The following AFF3 variants were observed in gnomAD, a reference collection of about 807,000 sequenced individuals.
AFF3 encodes AF4/FMR2 family member 3.
In AFF3, 32 loss-of-function variants were observed where a neutral mutation model predicts 129.7. That is an observed-to-expected ratio of 0.25 (90% CI 0.19 to 0.33). The LOEUF (loss-of-function observed/expected upper bound fraction) is 0.33, where lower values mean the gene tolerates loss of function less well. AFF3 is among the 10% of genes least tolerant of loss of function. The pLI is 1.00. For missense variants in AFF3, 1,373 were observed against 1,592.0 expected (o/e 0.86, Z 2.34); for synonymous variants, 644 against 635.4 (o/e 1.01, Z -0.20).
chr2:99,855,311 T>C (rs1690445060), intron 7 of AFF3, among the ~76,000 whole-genome samples: 1 of 152,186 alleles, frequency 6.6e-6, no homozygotes, highest in Admixed American at 6.5e-5. Flanking sequence ...AATGGTATGA[T>C]GTGTGAGTTA....
At chr2:99,578,887 G>A (rs1272256144) in intron 17 of AFF3, among the ~76,000 whole-genome samples, 1 of 152,218 alleles carries the variant, frequency 6.6e-6, no homozygotes, top group Admixed American at 6.5e-5. Context: ...GCCCCACCCT[G>A]AGAGTCTGGG....
intron 7 of AFF3, among the ~76,000 whole-genome samples, chr2:99,867,982 C>T (rs1184523279): frequency 1.3e-5 from 2 of 151,912 alleles, no homozygotes; most frequent in Non-Finnish European, 2.9e-5. Flanking sequence ...TCAAGCTGGG[C>T]CCCTCTCATT....
intron 7 of AFF3, among the ~76,000 whole-genome samples, chr2:99,975,352 T>A (rs1678768427): frequency 1.3e-5 from 2 of 152,236 alleles, no homozygotes; most frequent in South Asian, 4.1e-4. Context: ...ATTATCTAAC[T>A]ATCTAGACTG....
chr2:99,824,747 C>G (rs1021618638), intron 8 of AFF3, among the ~76,000 whole-genome samples: 2 of 152,168 alleles, frequency 1.3e-5, no homozygotes, highest in African/African-American at 4.8e-5. Context: ...TCATCAGAAA[C>G]TGAAGCTGCT....
intron 2 of AFF3, among the ~76,000 whole-genome samples, chr2:100,120,533 A>G (rs1436880975): frequency 6.8e-6 from 1 of 148,134 alleles, no homozygotes; most frequent in Admixed American, 6.8e-5. Flanking sequence ...TGAGATCCAC[A>G]TTTACCCAAA....
At chr2:100,014,954 AT>A (rs562822524) in intron 4 of AFF3, among the ~76,000 whole-genome samples, 1,697 of 121,634 alleles carry the variant, frequency 0.014, 13 homozygotes, top group Non-Finnish European at 0.019. Context: ...CAGCCAGCTA[AT>A]TTTTTTTTTT....
chr2:99,798,949 A>G (rs760210894), intron 8 of AFF3, among the ~76,000 whole-genome samples: 2 of 152,036 alleles, frequency 1.3e-5, no homozygotes, highest in Non-Finnish European at 2.9e-5. Flanking sequence ...CTATGACACC[A>G]TGGTCTAGGT....
At chr2:99,773,089 C>T (rs967646371) in intron 8 of AFF3, among the ~76,000 whole-genome samples, 1 of 152,226 alleles carries the variant, frequency 6.6e-6, no homozygotes, top group South Asian at 2.1e-4. Context: ...ACATCCTACC[C>T]TTCTATCACA....
chr2:100,022,409 TC>T (rs1683662235), intron 4 of AFF3, among the ~76,000 whole-genome samples: 1 of 152,100 alleles, frequency 6.6e-6, no homozygotes, highest in Non-Finnish European at 1.5e-5. Flanking sequence ...TTTCCTCCCT[TC>T]CCCACTTTTT....
At chr2:100,028,471 A>G (rs1277578404) in intron 4 of AFF3, among the ~76,000 whole-genome samples, 1 of 152,010 alleles carries the variant, frequency 6.6e-6, no homozygotes, top group Non-Finnish European at 1.5e-5. Context: ...ATATTTAATG[A>G]CACAGGAAAG....
chr2:100,110,647 C>T (rs1691481467), intron 2 of AFF3, among the ~76,000 whole-genome samples: 1 of 152,238 alleles, frequency 6.6e-6, no homozygotes, highest in African/African-American at 2.4e-5. Context: ...GTACAGGCAT[C>T]TCCCACTGCT....
intron 8 of AFF3, among the ~76,000 whole-genome samples, chr2:99,800,107 G>A (rs892448193): frequency 2.0e-5 from 3 of 152,020 alleles, no homozygotes; most frequent in African/African-American, 7.2e-5. Flanking sequence ...TTTTAACAAA[G>A]TTTGAAAGAC....
At chr2:99,764,739 A>G (rs937697195) in intron 8 of AFF3, among the ~76,000 whole-genome samples, 5 of 152,164 alleles carry the variant, frequency 3.3e-5, no homozygotes, top group African/African-American at 9.7e-5. Flanking sequence ...TTTGCTGCTG[A>G]GTATACAGCT....
intron 11 of AFF3, among the ~76,000 whole-genome samples, chr2:99,719,471 T>C (rs1678692994): frequency 6.6e-6 from 1 of 152,246 alleles, no homozygotes; most frequent in East Asian, 1.9e-4. Context: ...ACTGACCTTA[T>C]ACAATAAATT....
chr2:99,888,326 A>G (rs933658443), intron 7 of AFF3, among the ~76,000 whole-genome samples: 1 of 152,248 alleles, frequency 6.6e-6, no homozygotes, highest in African/African-American at 2.4e-5. Flanking sequence ...AAATGAATAA[A>G]AACTGTTAAT....
chr2:100,007,518 A>C, intron 5 of AFF3, 58 bp from the exon 6 acceptor site: 1 of 1,474,312 alleles, frequency 6.8e-7, no homozygotes, highest in Non-Finnish European at 9.2e-7. Context: ...CACCGGAGAT[A>C]ATCAACAGGT....
rs764392415 is a variant in AFF3 at position 99,955,886 on chromosome 2, T to C, written c.873+50746A>G. Among the ~76,000 whole-genome samples, 5 of 152,182 alleles carry C rather than the reference T, an allele frequency of 3.3e-5. 1 individual carries two copies. The highest frequency in any genetic ancestry group is 5.9e-5 in the Non-Finnish European group (4 of 68,038). On this transcript the variant is annotated intron_variant, in intron 7 of 24. Transcript: ENST00000672756. ...CAGAGAGTATTGAGAATTCTCTACA[T>C]AGAGGCAGTTGTAAACATAAACTTC... is the stretch of plus-strand genomic sequence containing the variant.
intron 12 of AFF3, among the ~76,000 whole-genome samples, chr2:99,653,666 T>A (rs1685480174): frequency 6.6e-6 from 1 of 152,200 alleles, no homozygotes; most frequent in African/African-American, 2.4e-5. Flanking sequence ...CAAGCTGAGT[T>A]GGAAGCTTAG....
intron 11 of AFF3, 126 bp downstream of exon 11, chr2:99,726,951 A>T: frequency 1.2e-6 from 1 of 848,624 alleles, no homozygotes; most frequent in Non-Finnish European, 1.7e-6. Flanking sequence ...AGACATTATC[A>T]TGAGAAAAGA....
Sources: gnomAD v4.1 joint callset for allele counts (sites outside exome capture counted in the v4.1 genomes callset) on GRCh38, gnomAD v4.1.1 for gene constraint, MANE v1.5 for transcripts, NCBI Gene and HGNC (gene_info 2026-07-23, HGNC 2026-07-21) for gene names.